The following OR9Q1 variants were observed in gnomAD, a reference collection of about 807,000 sequenced individuals.
OR9Q1 encodes olfactory receptor family 9 subfamily Q member 1.
For missense variants in OR9Q1, 374 were observed against 378.8 expected, an observed-to-expected ratio of 0.99 and a Z score of 0.11; for synonymous variants, 153 against 148.6, an observed-to-expected ratio of 1.03 and a Z score of -0.22.
chr11:58,027,206 G>A (rs1270589434), intron 1 of OR9Q1, among the ~76,000 whole-genome samples: 4 of 152,178 alleles, frequency 2.6e-5, no homozygotes, highest in Non-Finnish European at 4.4e-5. Flanking sequence ...GTTGTCCCCC[G>A]TCTCCCATTT....
chr11:58,181,385 T>G lies in OR9Q1; in HGVS notation c.*1008T>G. The G allele has an allele frequency of 1.2e-5, 2 of 167,186 alleles. No homozygotes were observed. 10.4% of individuals were successfully genotyped at this position (167,186 alleles called of 1,614,324 possible). A position where few individuals can be genotyped will look rare whatever the true frequency, so the allele number is the denominator to read the frequency against. Reference sequence around the variant, plus strand: ...CCCTGCACTCTGCAGCAGCTCAGCCTGCATCCAAAGCCTCACAAAATCTGT... The same window carrying G: ...CCCTGCACTCTGCAGCAGCTCAGCCGGCATCCAAAGCCTCACAAAATCTGT... On this transcript the variant is annotated 3_prime_UTR_variant, in exon 3 of 3. Coordinates refer to ENST00000335397, the MANE Select transcript of OR9Q1 (RefSeq NM_001005212.4).
chr11:58,112,296 G>GAAAAAAAAAAAAAAAAAAAAAA, intron 2 of OR9Q1, among the ~76,000 whole-genome samples: 1 of 80,234 alleles, frequency 1.2e-5, no homozygotes, highest in African/African-American at 3.6e-5. Flanking sequence ...TCGTCTCAAA[G>GAAAAAAAAAAAAAAAAAAAAAA]AAAAAAAAAA....
intron 2 of OR9Q1, among the ~76,000 whole-genome samples, chr11:58,179,008 A>AG (rs1554973091): frequency 0.056 from 5,069 of 90,426 alleles, 314 homozygotes; most frequent in African/African-American, 0.16. Flanking sequence ...GAGAGAAAGA[A>AG]AGAAAGAGAG....
chr11:58,130,319 CA>C (rs1037256021), intron 2 of OR9Q1, among the ~76,000 whole-genome samples: 5 of 151,342 alleles, frequency 3.3e-5, no homozygotes, highest in Non-Finnish European at 5.9e-5. Flanking sequence ...GGAAAAATTA[CA>C]AAAAAAATGT....
intron 2 of OR9Q1, among the ~76,000 whole-genome samples, chr11:58,138,609 G>A (rs539069123): frequency 6.6e-6 from 1 of 152,148 alleles, no homozygotes; most frequent in East Asian, 1.9e-4. Flanking sequence ...GCACAGCTGT[G>A]CTGTTATTAT....
At chr11:58,126,466 G>A (rs1854091188) in intron 2 of OR9Q1, among the ~76,000 whole-genome samples, 1 of 152,134 alleles carries the variant, frequency 6.6e-6, no homozygotes. Flanking sequence ...TGCTCTGTTT[G>A]CTTCTAAGTA....
intron 2 of OR9Q1, among the ~76,000 whole-genome samples, chr11:58,057,509 C>T (rs950022299): frequency 2.0e-5 from 3 of 152,116 alleles, no homozygotes; most frequent in African/African-American, 4.8e-5. Flanking sequence ...AGGAAAACAC[C>T]ACCTCCCTTC....
chr11:58,038,266 G>A (rs1853127765), intron 1 of OR9Q1, among the ~76,000 whole-genome samples: 1 of 152,096 alleles, frequency 6.6e-6, no homozygotes, highest in African/African-American at 2.4e-5. Flanking sequence ...GATATGTGCA[G>A]GTATTGATAG....
chr11:58,106,181 G>T (rs1315752818), intron 2 of OR9Q1, among the ~76,000 whole-genome samples: 3 of 147,770 alleles, frequency 2.0e-5, no homozygotes, highest in Admixed American at 6.7e-5. Flanking sequence ...TTTAATAATG[G>T]TCTTCAAAAT....
chr11:58,121,200 T>C (rs1203425561), intron 2 of OR9Q1, among the ~76,000 whole-genome samples: 1 of 152,226 alleles, frequency 6.6e-6, no homozygotes, highest in Non-Finnish European at 1.5e-5. Flanking sequence ...AAAATAATTA[T>C]GTTTAGTTTG....
In OR9Q1 at chr11:58,071,378, C is replaced by T. The variant is rs569620858; in HGVS notation, c.-15+15431C>T. Among the ~76,000 whole-genome samples the T allele has an allele frequency of 2.6e-5, 4 of 152,136 alleles. No homozygotes were observed. The South Asian group carries it at 8.3e-4, about 32-fold the overall frequency. ...TGGTGCATGCCTGTAGTCCCTGCTA[C>T]TTCAGAGGCTGAGGCAGGAGAATTG... On this transcript the variant is annotated intron_variant, in intron 2 of 2. Coordinates refer to ENST00000335397, the MANE Select transcript of OR9Q1 (RefSeq NM_001005212.4).
chr11:58,181,564 TAAAAAAAAAA>T lies in OR9Q1; in HGVS notation c.*1201_*1210del, dbSNP rs753893952. ...CTTCTTTTCCTGTCTCCTGGATTAC[TAAAAAAAAAA>T]AAAAAAAAAAAAATCCAAAACCAAA... is the stretch of plus-strand genomic sequence containing the variant. On this transcript the variant is annotated 3_prime_UTR_variant, in exon 3 of 3. Coordinates refer to ENST00000335397, the MANE Select transcript of OR9Q1 (RefSeq NM_001005212.4). 1 of 74,952 alleles carries T rather than the reference TAAAAAAAAAA, an allele frequency of 1.3e-5. No individual in the cohort carries two copies. The highest frequency in any genetic ancestry group is 3.9e-4 in the East Asian group (1 of 2,590). 4.6% of individuals were successfully genotyped at this position (74,952 alleles called of 1,614,324 possible).
intron 2 of OR9Q1, among the ~76,000 whole-genome samples, chr11:58,098,373 T>A (rs574688045): frequency 1.3e-5 from 2 of 152,302 alleles, no homozygotes; most frequent in Admixed American, 6.5e-5. Context: ...ACTTGTCAAA[T>A]TTTTTTGTCA....
At chr11:58,092,652 C>T (rs1002940851) in intron 2 of OR9Q1, among the ~76,000 whole-genome samples, 2 of 152,068 alleles carry the variant, frequency 1.3e-5, no homozygotes, top group Non-Finnish European at 2.9e-5. Context: ...CTTCTTTTTT[C>T]GTTTCTCCTT....
chr11:58,078,606 T>C (rs1853561480), intron 2 of OR9Q1: 1 of 152,224 alleles, frequency 6.6e-6, no homozygotes. Context: ...TTTTCAGTTG[T>C]AGGTTCACTA....
intron 2 of OR9Q1, chr11:58,077,342 C>T (rs1853547068): frequency 6.6e-6 from 1 of 152,204 alleles, no homozygotes; most frequent in African/African-American, 2.4e-5. Flanking sequence ...GAAGTTTCAG[C>T]TAGAGTTACA....
At chr11:58,145,888 G>A in intron 2 of OR9Q1, among the ~76,000 whole-genome samples, 1 of 152,076 alleles carries the variant, frequency 6.6e-6, no homozygotes, top group Non-Finnish European at 1.5e-5. Context: ...TCATAGTGTG[G>A]ATATCAGCTT....
At chr11:58,103,015 G>A (rs1853799374) in intron 2 of OR9Q1, among the ~76,000 whole-genome samples, 1 of 151,806 alleles carries the variant, frequency 6.6e-6, no homozygotes, top group South Asian at 2.1e-4. Context: ...TATTTGATTT[G>A]ATTTCATTCA....
intron 1 of OR9Q1, chr11:58,044,988 A>G (rs184142898): frequency 1.9e-4 from 29 of 152,318 alleles, no homozygotes; most frequent in Admixed American, 1.7e-3. Flanking sequence ...GACTTGACAT[A>G]AACAAACTTT....
Sources: allele counts gnomAD v4.1 joint callset (sites outside exome capture counted in the v4.1 genomes callset), GRCh38; gene constraint gnomAD v4.1.1; transcripts MANE v1.5; gene names NCBI Gene and HGNC (gene_info 2026-07-23, HGNC 2026-07-21).